ZNF676: variants seen among roughly 807,000 people sequenced by gnomAD.
ZNF676 encodes zinc finger protein 676.
In ZNF676, 4 loss-of-function variants were observed where a neutral mutation model predicts 6.0. The ratio of observed to expected loss-of-function variants is 0.67; its 90% CI spans 0.33 to 1.53. The LOEUF (loss-of-function observed/expected upper bound fraction) is 1.53, where lower values mean the gene tolerates loss of function less well. Ranked by LOEUF, ZNF676 falls within the 40% of genes most tolerant of loss-of-function variation. ZNF676 has a pLI of 0.06. For synonymous variants in ZNF676, 198 were observed against 223.1 expected (o/e 0.89, Z 1.00); for missense variants, 644 against 679.7 (o/e 0.95, Z 0.58).
At chr19:22,189,122 T>C (rs1003759251) in intron 2 of ZNF676, among the ~76,000 whole-genome samples, 5 of 152,118 alleles carry the variant, frequency 3.3e-5, no homozygotes, top group African/African-American at 1.2e-4. Context: ...AAGGCTACAG[T>C]AACCAAAACA....
chr19:22,207,567 A>G (rs2024087861), intron 1 of ZNF676, among the ~76,000 whole-genome samples: 1 of 152,182 alleles, frequency 6.6e-6, no homozygotes, highest in South Asian at 2.1e-4. Context: ...CCACCAAAAT[A>G]TTTTTTAACA....
At chr19:22,239,197 A>ATTTTTTTTT in the ZNF676 span, among the ~76,000 whole-genome samples, 1 of 130,098 alleles carries the variant, frequency 7.7e-6, no homozygotes, top group East Asian at 2.1e-4. Context: ...CCAACTGTGA[A>ATTTTTTTTT]TTTTTTTTTT....
exon 1 of ZNF676, chr19:22,215,667 T>A (rs1016168295): frequency 1.2e-6 from 2 of 1,608,052 alleles, no homozygotes; most frequent in Middle Eastern, 1.7e-4. Flanking sequence ...GGCGACTTAG[T>A]TGTGGATCTC....
intron 2 of ZNF676, among the ~76,000 whole-genome samples, chr19:22,185,058 G>A (rs1323598943): frequency 1.3e-5 from 2 of 152,044 alleles, no homozygotes; most frequent in Admixed American, 6.6e-5. Flanking sequence ...CCTGACATCC[G>A]TGTCTCCTGA....
At chr19:22,185,616 A>G (rs2023827416) in intron 2 of ZNF676, among the ~76,000 whole-genome samples, 1 of 152,188 alleles carries the variant, frequency 6.6e-6, no homozygotes, top group African/African-American at 2.4e-5. Context: ...ACCCAATGCC[A>G]GGAAGCTAAG....
chr19:22,220,999 T>C, the ZNF676 span, among the ~76,000 whole-genome samples: 4 of 152,194 alleles, frequency 2.6e-5, no homozygotes, highest in African/African-American at 9.6e-5. Context: ...AGTCTATCAG[T>C]TGGATTTATC....
At chr19:22,199,663 G>C (rs1348314888), upstream of ZNF676, among the ~76,000 whole-genome samples, 3 of 152,162 alleles carry the variant, frequency 2.0e-5, no homozygotes, top group African/African-American at 7.2e-5. Context: ...ATAGACAGAT[G>C]AAAGGGATAC....
At chr19:22,203,719 C>T (rs948432919) in intron 1 of ZNF676, 1 of 152,242 alleles carries the variant, frequency 6.6e-6, no homozygotes, top group African/African-American at 2.4e-5. Context: ...CTCAGCCTCC[C>T]AAATAGCTGG....
At chr19:22,209,325 A>G (rs1000222285) in intron 1 of ZNF676, among the ~76,000 whole-genome samples, 9 of 149,450 alleles carry the variant, frequency 6.0e-5, no homozygotes, top group Admixed American at 1.3e-4. Context: ...CTGTGTGGCC[A>G]TTAAAAAAAA....
chr19:22,232,912 A>C, the ZNF676 span, among the ~76,000 whole-genome samples: 1 of 152,176 alleles, frequency 6.6e-6, no homozygotes, highest in East Asian at 1.9e-4. Flanking sequence ...TTCACACTAC[A>C]TTTTGAAGAA....
intron 2 of ZNF676, among the ~76,000 whole-genome samples, chr19:22,185,409 G>A (rs2023822889): frequency 6.6e-6 from 1 of 151,712 alleles, no homozygotes; most frequent in Non-Finnish European, 1.5e-5. Flanking sequence ...TAAAGATGGG[G>A]AGAAACCAGT....
At chr19:22,200,035 A>C (rs997487326), upstream of ZNF676, among the ~76,000 whole-genome samples, 8 of 152,154 alleles carry the variant, frequency 5.3e-5, no homozygotes, top group African/African-American at 1.9e-4. Context: ...AAGGCCTCCA[A>C]AAAGGGTGAA....
the ZNF676 span, among the ~76,000 whole-genome samples, chr19:22,232,191 C>T: frequency 6.7e-5 from 10 of 149,938 alleles, no homozygotes; most frequent in Non-Finnish European, 3.0e-5. Flanking sequence ...TTTTTTTAGA[C>T]GGAGTCTCGC....
chr19:22,180,593 C>T lies in ZNF676; in HGVS notation c.1124G>A (p.Ser375Asn), dbSNP rs200273136. 1,811 of 1,611,188 alleles carry T rather than the reference C, an allele frequency of 1.1e-3. 3 individuals are homozygous for T. The highest frequency in any genetic ancestry group is 1.7e-3 in the Admixed American group (102 of 59,732). Residue 375 changes from serine (S) to asparagine (N), a missense_variant, in exon 3 of 3, where the codon AGT becomes AAT. Around this residue, in one of 5 missense-constraint regions of ZNF676, gnomAD observed 306 missense variants for 265.4 expected, o/e 1.15. Transcript: ENST00000397121. ...ATGTGTATTAAGGGTTGAGACCTTA[C>T]TAAAGGCTTTGCCACATCCTTCACA... ...YKCEGCGKAF[S>N]KVSTLNTHKA... is the part of the protein sequence containing the mutation.
chr19:22,230,860 A>T, the ZNF676 span, among the ~76,000 whole-genome samples: 2 of 151,478 alleles, frequency 1.3e-5, no homozygotes, highest in South Asian at 2.1e-4. Flanking sequence ...GCGTTTCACC[A>T]TGTTGGCCAG....
At position 22,185,355 on chromosome 19, in the gene ZNF676, A is replaced by C. The variant is rs1371929714; in HGVS notation, c.131-3769T>G. ...AAAAGGATGTTTACTCAGAGACACC[A>C]TCCGAAGGTCATCAACATCAAAGAC... is the stretch of plus-strand genomic sequence containing the variant. On this transcript the variant is annotated intron_variant, in intron 2 of 2. Coordinates refer to ENST00000397121, the MANE Select transcript of ZNF676 (RefSeq NM_001001411.3). Among the ~76,000 whole-genome samples, 3 of 152,198 alleles carry C rather than the reference A, an allele frequency of 2.0e-5. No homozygotes were observed. In the East Asian group the frequency reaches 5.8e-4, roughly 29 times the overall value.
chr19:22,208,325 CAT>C (rs2024096413), intron 1 of ZNF676, among the ~76,000 whole-genome samples: 2 of 147,684 alleles, frequency 1.4e-5, no homozygotes, highest in South Asian at 2.1e-4. Flanking sequence ...AGGAGACAAA[CAT>C]GTGGCTAACA....
the ZNF676 span, chr19:22,243,955 C>G: frequency 6.6e-6 from 1 of 152,112 alleles, no homozygotes; most frequent in Non-Finnish European, 1.5e-5. Flanking sequence ...CTCACCTGTG[C>G]GCTAAGCCCT....
chr19:22,210,304 T>C (rs2024116205), intron 1 of ZNF676, among the ~76,000 whole-genome samples: 1 of 152,014 alleles, frequency 6.6e-6, no homozygotes, highest in Non-Finnish European at 1.5e-5. Context: ...CAGACCCTGA[T>C]TCAGGGCTCA....
Sources: allele counts gnomAD v4.1 joint callset (sites outside exome capture counted in the v4.1 genomes callset), GRCh38; gene constraint gnomAD v4.1.1; regional missense constraint gnomAD v4.1.1; transcripts MANE v1.5; gene names NCBI Gene and HGNC (gene_info 2026-07-23, HGNC 2026-07-21).